Variants in KITLG observed in about 807,000 individuals in gnomAD.
The protein encoded by KITLG is c-Kit ligand.
Under a neutral mutation model 34.1 loss-of-function variants are expected in KITLG, and 13 were observed. That is an observed-to-expected ratio of 0.38 (90% CI 0.25 to 0.61). The LOEUF (loss-of-function observed/expected upper bound fraction) is 0.61, where lower values mean the gene tolerates loss of function less well. KITLG is among the 20% of genes least tolerant of loss of function. The probability of loss-of-function intolerance (pLI) is 0.60; values close to 1 mark genes in which losing one functional copy is unlikely to be tolerated. For synonymous variants in KITLG, 110 were observed against 104.0 expected (o/e 1.06, Z -0.35); for missense variants, 292 against 318.9 (o/e 0.92, Z 0.64).
chr12:88,566,504 A>AG (rs1188519442), intron 1 of KITLG, among the ~76,000 whole-genome samples: 1 of 152,138 alleles, frequency 6.6e-6, no homozygotes, highest in Non-Finnish European at 1.5e-5. Context: ...TAGTAGGGAG[A>AG]GGGGCTGAGG....
chr12:88,513,714 T>C (rs1270403736), intron 6 of KITLG, among the ~76,000 whole-genome samples: 1 of 151,568 alleles, frequency 6.6e-6, no homozygotes, highest in East Asian at 1.9e-4. Context: ...ACAGGGAAGA[T>C]CTAACAATAA....
At chr12:88,570,561 C>T (rs572293540) in intron 1 of KITLG, among the ~76,000 whole-genome samples, 29 of 151,776 alleles carry the variant, frequency 1.9e-4, no homozygotes, top group South Asian at 1.9e-3. Flanking sequence ...AGAAGTTCAA[C>T]CCTTTCAGTT....
chr12:88,551,723 T>C (rs1015114677), intron 1 of KITLG, among the ~76,000 whole-genome samples: 4 of 152,224 alleles, frequency 2.6e-5, no homozygotes, highest in African/African-American at 9.6e-5. Context: ...GTGTCCCATA[T>C]GGGAGCTTAC....
intron 6 of KITLG, among the ~76,000 whole-genome samples, chr12:88,509,686 C>A (rs1869200918): frequency 6.6e-6 from 1 of 152,156 alleles, no homozygotes; most frequent in Non-Finnish European, 1.5e-5. Flanking sequence ...CTTCACCTCC[C>A]ATAGAGGTCA....
intron 1 of KITLG, among the ~76,000 whole-genome samples, chr12:88,568,560 A>C (rs997383709): frequency 6.6e-6 from 1 of 152,138 alleles, no homozygotes; most frequent in African/African-American, 2.4e-5. Context: ...AAGGAAATAA[A>C]TATCATGTTG....
intron 1 of KITLG, among the ~76,000 whole-genome samples, chr12:88,561,321 C>T (rs529859753): frequency 6.3e-4 from 96 of 152,256 alleles, no homozygotes; most frequent in Non-Finnish European, 1.2e-3. Flanking sequence ...ACAAGCATTC[C>T]TAGTAACATC....
At chr12:88,522,899 C>T (rs1027378942) in intron 3 of KITLG, among the ~76,000 whole-genome samples, 20 of 152,182 alleles carry the variant, frequency 1.3e-4, no homozygotes, top group Admixed American at 1.3e-3. Flanking sequence ...AAGCTAGTAT[C>T]TACCCAGTGA....
At chr12:88,579,698 T>C (rs1471153548) in intron 1 of KITLG, among the ~76,000 whole-genome samples, 1 of 151,412 alleles carries the variant, frequency 6.6e-6, no homozygotes, top group East Asian at 2.0e-4. Flanking sequence ...GAGAGCCAAG[T>C]TTCCCGGGCA....
intron 8 of KITLG, among the ~76,000 whole-genome samples, chr12:88,505,653 A>G (rs1012284847): frequency 3.3e-5 from 5 of 152,242 alleles, no homozygotes; most frequent in African/African-American, 1.2e-4. Flanking sequence ...GTCATCTTAC[A>G]GCAAATTTTG....
chr12:88,519,598 CT>C lies in KITLG; in HGVS notation c.193-732del, dbSNP rs977424372. ...AATATCTCTGTGGGAAAAGTCAAGC[CT>C]TTTATTTATTTATTTATTTATTTAT... is the stretch of plus-strand genomic sequence containing the variant. On this transcript the variant is annotated intron_variant, in intron 3 of 9. Transcript: ENST00000644744. 4.6e-5 allele frequency among the ~76,000 whole-genome samples: 7 copies of C among 151,684 alleles called. No individual in the cohort carries two copies. In the South Asian group the frequency reaches 6.4e-4, roughly 14 times the overall value.
intron 6 of KITLG, among the ~76,000 whole-genome samples, chr12:88,514,724 C>T (rs1019639443): frequency 6.6e-6 from 1 of 151,536 alleles, no homozygotes; most frequent in Non-Finnish European, 1.5e-5. Context: ...AAATGTTCTG[C>T]ATTGTAACAA....
At chr12:88,506,685 A>T (rs1869074951) in intron 7 of KITLG, among the ~76,000 whole-genome samples, 2 of 152,212 alleles carry the variant, frequency 1.3e-5, no homozygotes, top group South Asian at 4.1e-4. Context: ...GACAGGCTTC[A>T]ATAAGAAGAG....
At chr12:88,516,906 T>TA (rs1163857339) in intron 4 of KITLG, among the ~76,000 whole-genome samples, 4 of 150,954 alleles carry the variant, frequency 2.6e-5, no homozygotes, top group Non-Finnish European at 5.9e-5. Flanking sequence ...AGTCAGATGA[T>TA]ACTAAATATT....
intron 6 of KITLG, among the ~76,000 whole-genome samples, chr12:88,510,206 C>A (rs941208804): frequency 6.6e-6 from 1 of 152,086 alleles, no homozygotes; most frequent in Non-Finnish European, 1.5e-5. Flanking sequence ...TTAGAGTGAG[C>A]ATTTTTAGGA....
At chr12:88,499,848 T>C (rs1231088145) in intron 9 of KITLG, among the ~76,000 whole-genome samples, 1 of 152,154 alleles carries the variant, frequency 6.6e-6, no homozygotes, top group African/African-American at 2.4e-5. Flanking sequence ...TCAGTTGTCA[T>C]TCTCTCTCAC....
At chr12:88,508,007 TAAAACCCCGTCTCTACTAA>T (rs1410503364) in intron 6 of KITLG, among the ~76,000 whole-genome samples, 1 of 151,946 alleles carries the variant, frequency 6.6e-6, no homozygotes, top group Non-Finnish European at 1.5e-5. Context: ...GCCAACACGG[TAAAACCCCGTCTCTACTAA>T]AAATACAAAA....
At chr12:88,532,569 G>A (rs2120879876) in intron 2 of KITLG, 66 bp from the exon 3 acceptor site, 1 of 1,093,788 alleles carries the variant, frequency 9.1e-7, no homozygotes. Context: ...TATTTGTAGT[G>A]CTTTGGAGAA....
At chr12:88,517,477 A>G (rs139859000) in intron 4 of KITLG, among the ~76,000 whole-genome samples, 4 of 152,220 alleles carry the variant, frequency 2.6e-5, no homozygotes, top group African/African-American at 9.6e-5. Context: ...GGTTCCCACC[A>G]AAGTGCCATG....
At chr12:88,551,290 C>T (rs942509028) in intron 1 of KITLG, among the ~76,000 whole-genome samples, 2 of 152,140 alleles carry the variant, frequency 1.3e-5, no homozygotes, top group Non-Finnish European at 2.9e-5. Flanking sequence ...GCAGTAATGA[C>T]ACCTCCTTCA....
Sources: gnomAD v4.1 joint callset for allele counts (sites outside exome capture counted in the v4.1 genomes callset) on GRCh38, gnomAD v4.1.1 for gene constraint, MANE v1.5 for transcripts, NCBI Gene and HGNC (gene_info 2026-07-23, HGNC 2026-07-21) for gene names.